PDE10A: variants seen among roughly 807,000 people sequenced by gnomAD.
The protein encoded by PDE10A is phosphodiesterase 10A.
Under a neutral mutation model 97.7 loss-of-function variants are expected in PDE10A, and 39 were observed. That is an observed-to-expected ratio of 0.40 (90% CI 0.31 to 0.52). The LOEUF (loss-of-function observed/expected upper bound fraction) is 0.52. Ranked by LOEUF, PDE10A falls within the 20% of genes least tolerant of loss-of-function variation. PDE10A has a pLI of 0.56. For missense variants in PDE10A, 731 were observed against 1,047.8 expected, an observed-to-expected ratio of 0.70 and a Z score of 4.17; for synonymous variants, 371 against 376.8, an observed-to-expected ratio of 0.98 and a Z score of 0.18.
intron 1 of PDE10A, among the ~76,000 whole-genome samples, chr6:165,926,911 G>C (rs1436187157): frequency 6.6e-6 from 1 of 152,332 alleles, no homozygotes; most frequent in Admixed American, 6.5e-5. Flanking sequence ...GACTTGGGCT[G>C]TGTGGGAGAG....
intron 1 of PDE10A, among the ~76,000 whole-genome samples, chr6:165,757,052 C>A (rs1793133217): frequency 6.6e-6 from 1 of 151,692 alleles, no homozygotes; most frequent in Admixed American, 6.6e-5. Context: ...ACTGCAACAT[C>A]CACCTCCTGG....
chr6:165,797,012 G>T (rs759661098), intron 1 of PDE10A, among the ~76,000 whole-genome samples: 1 of 152,134 alleles, frequency 6.6e-6, no homozygotes, highest in African/African-American at 2.4e-5. Flanking sequence ...ATCCACACTG[G>T]AATACTTTGA....
chr6:165,819,192 A>T lies in PDE10A; in HGVS notation c.-615+168337T>A, dbSNP rs1402320280. On this transcript the variant is annotated intron_variant, in intron 1 of 19. Transcript: ENST00000366882. The surrounding 1 kb of genome is among the most constrained non-coding windows in gnomAD (Gnocchi z 4.2). ...TGCTCCCTCATCTGCTCCCTCACCT[A>T]CTCCCTCACCTGCACTTCCAGCATC... 6.6e-6 allele frequency among the ~76,000 whole-genome samples: 1 copy of T among 151,110 alleles called. No homozygotes were observed. Among genetic ancestry groups the T allele is most frequent in the East Asian group, 1.9e-4 (1 of 5,140 alleles).
At chr6:165,341,434 A>G (rs1000381079) in intron 19 of PDE10A, among the ~76,000 whole-genome samples, 8 of 152,234 alleles carry the variant, frequency 5.3e-5, no homozygotes, top group African/African-American at 1.9e-4. Flanking sequence ...AAATCATATT[A>G]CAGTCTATAG....
intron 1 of PDE10A, among the ~76,000 whole-genome samples, chr6:165,697,882 C>T (rs1011697101): frequency 1.3e-5 from 2 of 152,148 alleles, no homozygotes; most frequent in African/African-American, 4.8e-5. Flanking sequence ...TATTTAACTA[C>T]AATTTTAAAT....
intron 3 of PDE10A, among the ~76,000 whole-genome samples, chr6:165,460,072 C>G (rs1264617148): frequency 6.6e-6 from 1 of 152,214 alleles, no homozygotes; most frequent in Non-Finnish European, 1.5e-5. Flanking sequence ...GCATTTCCAG[C>G]TCAGGCCATT....
chr6:165,740,141 T>C (rs980634154), intron 1 of PDE10A, among the ~76,000 whole-genome samples: 7 of 152,212 alleles, frequency 4.6e-5, no homozygotes, highest in Admixed American at 3.9e-4. Flanking sequence ...ATCAGCACCT[T>C]GAAGAGATAT....
intron 1 of PDE10A, among the ~76,000 whole-genome samples, chr6:165,730,495 T>C (rs1792402825): frequency 6.6e-6 from 1 of 152,224 alleles, no homozygotes; most frequent in African/African-American, 2.4e-5. Flanking sequence ...TTCACACCTG[T>C]AATCCCAGCA....
intron 2 of PDE10A, among the ~76,000 whole-genome samples, chr6:165,505,730 C>T (rs574170263): frequency 6.6e-6 from 1 of 152,186 alleles, no homozygotes; most frequent in South Asian, 2.1e-4. Flanking sequence ...AGCCATAGAG[C>T]TTCTCTCAGA....
intron 13 of PDE10A, among the ~76,000 whole-genome samples, chr6:165,406,298 G>A (rs970244640): frequency 6.8e-6 from 1 of 147,494 alleles, no homozygotes; most frequent in Non-Finnish European, 1.5e-5. Context: ...ACAGGAGATA[G>A]TTGAATTTTA....
intron 1 of PDE10A, among the ~76,000 whole-genome samples, chr6:165,738,335 C>A (rs1792633087): frequency 6.6e-6 from 1 of 151,974 alleles, no homozygotes; most frequent in East Asian, 1.9e-4. Flanking sequence ...CTACAAAGGA[C>A]ATGAACTCAT....
rs7769314 is a variant in PDE10A, at chr6:165,607,682, G to A, written c.865+54265C>T. ...GAGACTGACGCTGGGCAGCTGCAGC[G>A]TGAATAGAGTTTCATGTATGTGAAA... On this transcript the variant is annotated intron_variant, in intron 1 of 21. Transcript: ENST00000539869. Among the ~76,000 whole-genome samples the A allele has an allele frequency of 7.0e-4, 106 of 152,304 alleles. 1 individual carries two copies. The highest frequency in any genetic ancestry group is 2.4e-3 in the African/African-American group (98 of 41,558).
At chr6:165,550,032 G>GTA (rs1391562568) in intron 1 of PDE10A, among the ~76,000 whole-genome samples, 1 of 152,128 alleles carries the variant, frequency 6.6e-6, no homozygotes, top group African/African-American at 2.4e-5. Context: ...CAAGTATCCA[G>GTA]TATATCCTTC....
chr6:165,720,441 C>G (rs1311636865), intron 1 of PDE10A, among the ~76,000 whole-genome samples: 1 of 152,170 alleles, frequency 6.6e-6, no homozygotes, highest in Admixed American at 6.5e-5. Flanking sequence ...GTCCTTCTTG[C>G]CTCTTACACA....
chr6:165,979,787 G>A (rs1196284339), intron 1 of PDE10A, among the ~76,000 whole-genome samples: 1 of 152,152 alleles, frequency 6.6e-6, no homozygotes, highest in Admixed American at 6.5e-5. Flanking sequence ...TAAAATGTGC[G>A]AAAGTCACGA....
intron 6 of PDE10A, among the ~76,000 whole-genome samples, chr6:165,434,590 T>C (rs771002123): frequency 4.7e-4 from 71 of 152,306 alleles, no homozygotes; most frequent in Non-Finnish European, 3.2e-4. Context: ...CTCTGGCTAA[T>C]GGGAGGGTAG....
Position 165,663,215 on chromosome 6 carries a change from T to TGGC in PDE10A, c.-407_-405dup, listed in dbSNP as rs1357705053. 4.3e-4 allele frequency among the ~76,000 whole-genome samples: 65 copies of TGGC among 151,406 alleles called. No individual in the cohort carries two copies. The highest frequency in any genetic ancestry group is 1.4e-3 in the African/African-American group (59 of 41,388). On this transcript the variant is annotated 5_prime_UTR_variant, in exon 1 of 22. Transcript: ENST00000539869. Reference sequence around the variant, plus strand: ...GTGCCGCTGCCCGTGGAGGCGGTGGTGGCGGCGGCGGCAGAAGACGCCCAC... The same window carrying TGGC: ...GTGCCGCTGCCCGTGGAGGCGGTGGTGGCGGCGGCGGCGGCAGAAGACGCCCAC...
At chr6:165,513,235 T>C (rs1481913877) in intron 2 of PDE10A, among the ~76,000 whole-genome samples, 1 of 152,042 alleles carries the variant, frequency 6.6e-6, no homozygotes, top group Non-Finnish European at 1.5e-5. Context: ...CAGAAAAGTA[T>C]ACAGTCTTTA....
intron 1 of PDE10A, among the ~76,000 whole-genome samples, chr6:165,799,951 C>A (rs948422615): frequency 2.0e-5 from 3 of 152,156 alleles, no homozygotes; most frequent in African/African-American, 7.2e-5. Context: ...TCCCCTGGGA[C>A]GTCTGTCAGG....
Sources: allele counts gnomAD v4.1 joint callset (sites outside exome capture counted in the v4.1 genomes callset), GRCh38; gene constraint gnomAD v4.1.1; non-coding constraint Gnocchi (gnomAD v3.1); transcripts MANE v1.5; gene names NCBI Gene and HGNC (gene_info 2026-07-23, HGNC 2026-07-21).